Variants in RAD52 observed in about 807,000 individuals in gnomAD.
RAD52 encodes the protein RAD52 DNA repair protein.
A neutral mutation model predicts 55.5 loss-of-function variants in RAD52; 47 were observed. The observed-to-expected ratio is 0.85, with a 90% confidence interval of 0.67 to 1.08. RAD52 has a LOEUF of 1.08. Ranked by LOEUF, RAD52 falls within the 50% of genes least tolerant of loss-of-function variation. The pLI is 0.00. For missense variants in RAD52, 468 were observed against 522.8 expected (o/e 0.90, Z 1.02); for synonymous variants, 184 against 198.9 (o/e 0.92, Z 0.63).
intron 1 of RAD52, among the ~76,000 whole-genome samples, chr12:958,124 G>A (rs1159233329): frequency 2.6e-5 from 4 of 152,222 alleles, no homozygotes; most frequent in African/African-American, 9.6e-5. Flanking sequence ...CTCTCCATGT[G>A]GGCCTCTCCG....
chr12:929,688 C>T (rs11571424), intron 5 of RAD52, 131 bp downstream of exon 5: 98,872 of 883,670 alleles, frequency 0.11, 6,174 homozygotes, highest in South Asian at 0.16. Flanking sequence ...AATTCCACCA[C>T]TCTAGGGAAC....
rs757476293 is a variant in RAD52, at chr12:949,616, G to T, written c.-33C>A. 6.6e-6 allele frequency: 1 copy of T among 152,492 alleles called. No individual in the cohort carries two copies. Among genetic ancestry groups the T allele is most frequent in the Admixed American group, 6.5e-5 (1 of 15,280 alleles). The allele number at this position is 152,492 out of a possible 1,614,324, so 9.4% of individuals were successfully genotyped here. On this transcript the variant is annotated 5_prime_UTR_variant, in exon 1 of 12. Transcript: ENST00000358495. ...CCCCCACTTACGCGCCTCGGGCAGC[G>T]CGCGGTGCACACAGGGAGCTCGATC...
intron 2 of RAD52, among the ~76,000 whole-genome samples, chr12:931,904 T>G (rs890018926): frequency 7.2e-5 from 11 of 152,216 alleles, no homozygotes; most frequent in Admixed American, 2.6e-4. Flanking sequence ...GCTTGCTGAT[T>G]TGGGTTTTGT....
chr12:984,521 C>G (rs1959060553), intron 1 of RAD52, among the ~76,000 whole-genome samples: 1 of 151,234 alleles, frequency 6.6e-6, no homozygotes, highest in African/African-American at 2.4e-5. Flanking sequence ...AATTTGACTA[C>G]TTTAGGTACC....
rs912603695 is a variant in RAD52, at chr12:912,024, T to C, written c.*1367A>G. On this transcript the variant is annotated 3_prime_UTR_variant, in exon 12 of 12. Coordinates refer to ENST00000358495, the MANE Select transcript of RAD52 (RefSeq NM_134424.4). ...GCGCTACAGAGCCAGACCCCCCCTCTCAAAAAAAAAGTTGTTAAACTGCAA... is the reference window on the plus strand; with the variant it reads ...GCGCTACAGAGCCAGACCCCCCCTCCCAAAAAAAAAGTTGTTAAACTGCAA... 4.1e-4 allele frequency: 74 copies of C among 178,780 alleles called. No individual in the cohort carries two copies. The highest frequency in any genetic ancestry group is 3.5e-3 in the East Asian group (42 of 12,050). The allele number at this position is 178,780 out of a possible 1,614,324, so 11.1% of individuals were successfully genotyped here.
At chr12:986,792 C>G (rs904934245) in intron 1 of RAD52, among the ~76,000 whole-genome samples, 2 of 127,268 alleles carry the variant, frequency 1.6e-5, no homozygotes, top group African/African-American at 5.9e-5. Flanking sequence ...CTGTTTAATT[C>G]TCTCTTTTCC....
intron 1 of RAD52, among the ~76,000 whole-genome samples, chr12:985,667 T>C (rs1470211060): frequency 1.3e-5 from 2 of 152,220 alleles, no homozygotes; most frequent in Non-Finnish European, 2.9e-5. Flanking sequence ...AGCACCACTT[T>C]TTTTAAAAAA....
At chr12:967,621 G>A (rs1382174700) in intron 1 of RAD52, among the ~76,000 whole-genome samples, 2 of 151,822 alleles carry the variant, frequency 1.3e-5, no homozygotes, top group African/African-American at 2.4e-5. Context: ...GAACTTTTGT[G>A]GGTGTGTGAC....
At chr12:925,412 C>T (rs1208146606) in intron 7 of RAD52, 38 bp downstream of exon 7, 17 of 1,549,476 alleles carry the variant, frequency 1.1e-5, no homozygotes, top group East Asian at 4.5e-5. Flanking sequence ...AAGAGTTTGC[C>T]GCATTATCTT....
intron 1 of RAD52, among the ~76,000 whole-genome samples, chr12:989,128 A>AG (rs1959132446): frequency 6.6e-6 from 1 of 152,186 alleles, no homozygotes; most frequent in Admixed American, 6.5e-5. Flanking sequence ...TCTGAGATAT[A>AG]GGGAGGGTTC....
intron 1 of RAD52, among the ~76,000 whole-genome samples, chr12:941,281 A>G (rs902736548): frequency 6.6e-6 from 1 of 152,240 alleles, no homozygotes; most frequent in African/African-American, 2.4e-5. Flanking sequence ...CAAAATATGT[A>G]TAAGACTTCT....
chr12:979,689 A>G (rs566258345), intron 1 of RAD52, among the ~76,000 whole-genome samples: 51 of 152,140 alleles, frequency 3.4e-4, no homozygotes, highest in Non-Finnish European at 6.3e-4. Flanking sequence ...TTGGACTTCT[A>G]GCCTCTAAAG....
intron 1 of RAD52, among the ~76,000 whole-genome samples, chr12:942,731 G>C (rs1957986573): frequency 6.7e-6 from 1 of 149,960 alleles, no homozygotes; most frequent in Admixed American, 6.6e-5. Flanking sequence ...CTGGACGACA[G>C]AGCAAGACTC....
chr12:930,927 A>C (rs1395227277), intron 3 of RAD52, among the ~76,000 whole-genome samples: 2 of 151,924 alleles, frequency 1.3e-5, no homozygotes, highest in African/African-American at 2.4e-5. Flanking sequence ...AGATGACACC[A>C]CTGGTCGGAC....
chr12:953,913 A>T (rs186963504), upstream of RAD52, among the ~76,000 whole-genome samples: 1 of 152,280 alleles, frequency 6.6e-6, no homozygotes, highest in Non-Finnish European at 1.5e-5. Flanking sequence ...CCGTTGGGTG[A>T]CAGACGTCTA....
In RAD52 at chr12:916,770, C is replaced by CGGTT. The variant is rs746184886; in HGVS notation, c.590_593dup (p.Ser199ThrfsTer88). The CGGTT allele has an allele frequency of 9.3e-6, 15 of 1,614,120 alleles. No individual in the cohort carries two copies. The Admixed American group carries it at 2.2e-4, about 23-fold the overall frequency. ...TGTTGTATCTTGCCTCCTCCACAGA[C>CGGTT]GGTTCAAGATCTTGTCTCTTCGCTT... On this transcript the variant is annotated frameshift_variant, in exon 8 of 12. Coordinates refer to ENST00000358495, the MANE Select transcript of RAD52 (RefSeq NM_134424.4). LOFTEE classifies it high-confidence loss of function.
In RAD52 at chr12:913,456, TG is replaced by T; in HGVS notation, c.1196-5del. 1 of 1,593,064 alleles carries T rather than the reference TG, an allele frequency of 6.3e-7. No individual in the cohort carries two copies. Among genetic ancestry groups the T allele is most frequent in the Non-Finnish European group, 8.6e-7 (1 of 1,162,730 alleles). On this transcript the variant is annotated splice_polypyrimidine_tract_variant and splice_region_variant and intron_variant, in intron 11 of 11. Coordinates refer to ENST00000358495, the MANE Select transcript of RAD52 (RefSeq NM_134424.4). ...TTCCTATGAGATTCCCAGTTTCCTA[TG>T]GAAGACAAAATGGCTTAAATGTAGC... is the stretch of plus-strand genomic sequence containing the variant.
At chr12:955,352 T>G (rs555267841) in intron 1 of RAD52, among the ~76,000 whole-genome samples, 1 of 152,214 alleles carries the variant, frequency 6.6e-6, no homozygotes, top group Non-Finnish European at 1.5e-5. Flanking sequence ...GTTTAGTGTG[T>G]GCCGACTGTG....
intron 1 of RAD52, among the ~76,000 whole-genome samples, chr12:941,523 G>A (rs1957920286): frequency 6.6e-6 from 1 of 152,024 alleles, no homozygotes; most frequent in South Asian, 2.1e-4. Flanking sequence ...TCTCCATGTT[G>A]GTCAGGCTGG....
Sources: allele counts gnomAD v4.1 joint callset (sites outside exome capture counted in the v4.1 genomes callset), GRCh38; gene constraint gnomAD v4.1.1; transcripts MANE v1.5; gene names NCBI Gene and HGNC (gene_info 2026-07-23, HGNC 2026-07-21).